TIAM2: variants seen among roughly 807,000 people sequenced by gnomAD.
The protein encoded by TIAM2 is rho guanine nucleotide exchange factor TIAM2.
TIAM2 carries 80 observed loss-of-function variants against 152.9 expected under a neutral mutation model. The observed-to-expected ratio is 0.52, with a 90% CI of 0.44 to 0.63. The LOEUF (loss-of-function observed/expected upper bound fraction) is 0.63. Ranked by LOEUF, TIAM2 falls within the 30% of genes least tolerant of loss-of-function variation. The pLI is 0.00. For synonymous variants in TIAM2, 804 were observed against 838.0 expected (o/e 0.96, Z 0.70); for missense variants, 1,965 against 2,120.1 (o/e 0.93, Z 1.44).
chr6:155,032,832 C>T (rs1229340994), intron 1 of TIAM2, among the ~76,000 whole-genome samples: 4 of 152,162 alleles, frequency 2.6e-5, no homozygotes, highest in Admixed American at 6.6e-5. Flanking sequence ...TGGGCCACGA[C>T]GCCTGGCCTG....
intron 1 of TIAM2, among the ~76,000 whole-genome samples, chr6:155,044,975 GTTTCT>G (rs960974867): frequency 2.7e-5 from 4 of 150,508 alleles, no homozygotes; most frequent in Non-Finnish European, 5.9e-5. Flanking sequence ...ATCCATTGGT[GTTTCT>G]TTTCATCTTT....
intron 10 of TIAM2, among the ~76,000 whole-genome samples, chr6:155,178,224 GGCC>G (rs1780804197): frequency 6.7e-6 from 1 of 150,214 alleles, no homozygotes; most frequent in East Asian, 1.9e-4. Flanking sequence ...TTAGAGCATA[GGCC>G]TGAGATAAAT....
chr6:155,155,079 G>A (rs1025554622), intron 7 of TIAM2, among the ~76,000 whole-genome samples: 2 of 151,464 alleles, frequency 1.3e-5, no homozygotes, highest in African/African-American at 4.8e-5. Context: ...GGTGGTGGGT[G>A]AAGATGTGAA....
At position 155,048,663 on chromosome 6, in the gene TIAM2, C is replaced by T. The variant is rs75766740; in HGVS notation, c.-208-41626C>T. On this transcript the variant is annotated intron_variant, in intron 1 of 26. Transcript: ENST00000682666. The stretch of plus-strand genomic sequence containing the variant: ...GTGGAGTGAAGGAGACTCGGGAGGC[C>T]GCATTAGGACTGTGGGAGAATTTGG... Among the ~76,000 whole-genome samples, 806 of 152,050 alleles carry T rather than the reference C, an allele frequency of 5.3e-3. 23 individuals are homozygous for T. The highest frequency in any genetic ancestry group is 4.8e-3 in the East Asian group (25 of 5,178).
chr6:155,230,078 ACCG>A (rs1782399212), intron 15 of TIAM2, among the ~76,000 whole-genome samples: 1 of 151,894 alleles, frequency 6.6e-6, no homozygotes, highest in Non-Finnish European at 1.5e-5. Flanking sequence ...CACCTGTACC[ACCG>A]AGAGTACAAA....
intron 14 of TIAM2, among the ~76,000 whole-genome samples, chr6:155,210,542 G>T (rs73006750): frequency 0.061 from 9,194 of 150,748 alleles, 373 homozygotes; most frequent in Non-Finnish European, 0.09. Context: ...TCACTATGTT[G>T]CCCAGGGTGG....
chr6:155,205,764 G>A (rs906546057), intron 14 of TIAM2, among the ~76,000 whole-genome samples: 1 of 152,090 alleles, frequency 6.6e-6, no homozygotes, highest in East Asian at 1.9e-4. Context: ...ATTGCTGCCC[G>A]TTTCCAAGAA....
intron 2 of TIAM2, among the ~76,000 whole-genome samples, chr6:155,112,574 T>C (rs1285006370): frequency 1.3e-5 from 2 of 152,102 alleles, no homozygotes; most frequent in African/African-American, 4.8e-5. Flanking sequence ...GGAGAACCCA[T>C]CCAGTTTGTG....
Position 155,118,435 on chromosome 6 carries a change from CT to C in TIAM2, c.-117-9040del, listed in dbSNP as rs869154446. ...CTTTTTTCTTTTTCTTTTTCTTTTT[CT>C]TTTTTTTTTTTTTTGAGACGGAGTC... On this transcript the variant is annotated intron_variant, in intron 2 of 26. Transcript: ENST00000682666. 6.7e-3 allele frequency among the ~76,000 whole-genome samples: 232 copies of C among 34,822 alleles called. 2 individuals carry two copies. The highest frequency in any genetic ancestry group is 0.017 in the African/African-American group (205 of 11,788). 22.8% of individuals were successfully genotyped at this position (34,822 alleles called of 152,430 possible).
At position 155,249,973 on chromosome 6, in the gene TIAM2, C is replaced by G. The variant is rs138301724; in HGVS notation, c.3951+4C>G. 4.4e-6 allele frequency: 7 copies of G among 1,609,082 alleles called. No homozygotes were observed. The highest frequency in any genetic ancestry group is 5.9e-6 in the Non-Finnish European group (7 of 1,176,816). On this transcript the variant is annotated splice_donor_region_variant and intron_variant, in intron 21 of 26. Transcript: ENST00000682666. ...GCAGAGCGGAACAGAGAAGGAGGTCCGTGAGACATCTGCACCCTGGGAGCC... is the reference window on the plus strand; with the variant it reads ...GCAGAGCGGAACAGAGAAGGAGGTCGGTGAGACATCTGCACCCTGGGAGCC...
intron 2 of TIAM2, among the ~76,000 whole-genome samples, chr6:155,108,268 C>G (rs185254847): frequency 6.6e-6 from 1 of 152,224 alleles, no homozygotes; most frequent in East Asian, 1.9e-4. Context: ...TTTACAGACA[C>G]GTCTTTAGGG....
At chr6:155,084,253 C>G (rs2114971224) in intron 1 of TIAM2, among the ~76,000 whole-genome samples, 1 of 152,280 alleles carries the variant, frequency 6.6e-6, no homozygotes, top group Non-Finnish European at 1.5e-5. Context: ...CCACCCCCAA[C>G]CATGTTCCCC....
At chr6:155,250,662 G>T in intron 21 of TIAM2, 1 of 1,520,688 alleles carries the variant, frequency 6.6e-7, no homozygotes, top group African/African-American at 1.4e-5. Flanking sequence ...TGGTCACAAG[G>T]CATGTCTCAC....
At chr6:155,185,600 A>G (rs1690349695) in intron 14 of TIAM2, among the ~76,000 whole-genome samples, 1 of 152,016 alleles carries the variant, frequency 6.6e-6, no homozygotes, top group South Asian at 2.1e-4. Context: ...TCTATTACTC[A>G]TCTTAGGCAG....
intron 2 of TIAM2, among the ~76,000 whole-genome samples, chr6:155,117,643 A>C (rs1330105788): frequency 6.6e-6 from 1 of 152,186 alleles, no homozygotes; most frequent in African/African-American, 2.4e-5. Flanking sequence ...GGGTTTCACC[A>C]TGTTGATCGG....
chr6:155,178,139 C>T (rs371151553), intron 10 of TIAM2, among the ~76,000 whole-genome samples: 3 of 133,570 alleles, frequency 2.2e-5, no homozygotes, highest in Non-Finnish European at 4.6e-5. Flanking sequence ...CCAGCCTGGG[C>T]GACAGAGCAA....
chr6:155,202,883 CAA>C (rs36086677), intron 14 of TIAM2, among the ~76,000 whole-genome samples: 16,610 of 109,230 alleles, frequency 0.15, 1,174 homozygotes, highest in Non-Finnish European at 0.19. Context: ...ACTAAAAATA[CAA>C]AAAAAAAAAA....
chr6:155,055,521 A>G (rs929718782), intron 1 of TIAM2, among the ~76,000 whole-genome samples: 9 of 152,332 alleles, frequency 5.9e-5, no homozygotes, highest in African/African-American at 1.2e-4. Context: ...GAAATAGGAA[A>G]TGACTTTTGG....
intron 7 of TIAM2, among the ~76,000 whole-genome samples, chr6:155,157,735 C>T (rs942214986): frequency 6.6e-6 from 1 of 152,166 alleles, no homozygotes; most frequent in Admixed American, 6.5e-5. Flanking sequence ...AATCTTTGCT[C>T]CTAATTCATA....
Sources: gnomAD v4.1 joint callset for allele counts (sites outside exome capture counted in the v4.1 genomes callset) on GRCh38, gnomAD v4.1.1 for gene constraint, MANE v1.5 for transcripts, NCBI Gene and HGNC (gene_info 2026-07-23, HGNC 2026-07-21) for gene names.